CYRIB: variants seen among roughly 807,000 people sequenced by gnomAD.
CYRIB encodes CYFIP related Rac1 interactor B, also known as CYFIP-related Rac1 interactor B.
CYRIB carries 8 observed loss-of-function variants against 44.2 expected under a neutral mutation model. That is an observed-to-expected ratio of 0.18 (90% CI 0.11 to 0.33). CYRIB has a LOEUF of 0.33. Ranked by LOEUF, CYRIB falls within the 10% of genes least tolerant of loss-of-function variation. The pLI is 1.00. For synonymous variants in CYRIB, 131 were observed against 127.2 expected (o/e 1.03, Z -0.20); for missense variants, 185 against 382.8 (o/e 0.48, Z 4.31).
intron 2 of CYRIB, among the ~76,000 whole-genome samples, chr8:129,968,994 A>G (rs1297759192): frequency 7.0e-6 from 1 of 142,442 alleles, no homozygotes; most frequent in Non-Finnish European, 1.5e-5. Flanking sequence ...ACATGCCACC[A>G]TTTAGCTTAA....
upstream of CYRIB, among the ~76,000 whole-genome samples, chr8:129,940,488 TC>T (rs1417615020): frequency 6.6e-6 from 1 of 152,112 alleles, no homozygotes; most frequent in African/African-American, 2.4e-5. Context: ...AGACCCCTGT[TC>T]TGGGGTCGAC....
chr8:129,907,039 T>C lies in CYRIB; in HGVS notation c.-49-3689A>G, dbSNP rs527394329. Among the ~76,000 whole-genome samples, 9 of 152,338 alleles carry C rather than the reference T, an allele frequency of 5.9e-5. No individual in the cohort carries two copies. The East Asian group carries it at 1.7e-3, about 29-fold the overall frequency. On this transcript the variant is annotated intron_variant, in intron 1 of 11. Transcript: ENST00000519824. ...AGTTCAACCATTGTGGAAGACAGTGTGGCGATTCCTCAGGGATCTAGAACT... is the reference window on the plus strand; with the variant it reads ...AGTTCAACCATTGTGGAAGACAGTGCGGCGATTCCTCAGGGATCTAGAACT...
intron 1 of CYRIB, among the ~76,000 whole-genome samples, chr8:129,993,902 T>C (rs1434971529): frequency 6.6e-6 from 1 of 151,048 alleles, no homozygotes; most frequent in African/African-American, 2.4e-5. Flanking sequence ...ACAGCACCTC[T>C]GCCTACCTCC....
At chr8:129,842,288 G>A (rs1467344448) in intron 11 of CYRIB, 83 bp from the exon 14 acceptor site, 1 of 984,460 alleles carries the variant, frequency 1.0e-6, no homozygotes, top group Non-Finnish European at 1.5e-6. Flanking sequence ...ACAGGATGGA[G>A]AATTGGTCTC....
At chr8:129,957,217 A>G (rs1020155837) in intron 2 of CYRIB, among the ~76,000 whole-genome samples, 11 of 152,080 alleles carry the variant, frequency 7.2e-5, no homozygotes, top group African/African-American at 2.7e-4. Flanking sequence ...CTTCTACTTC[A>G]TACCTTTCCC....
At chr8:129,852,732 T>C (rs1267022817) in intron 7 of CYRIB, among the ~76,000 whole-genome samples, 2 of 152,200 alleles carry the variant, frequency 1.3e-5, no homozygotes, top group African/African-American at 4.8e-5. Flanking sequence ...AACAAGGTAT[T>C]CCAATCTGGC....
At position 129,919,136 on chromosome 8, in the gene CYRIB, T is replaced by A. The variant is rs1267743942; in HGVS notation, c.-49-15786A>T. 2.6e-5 allele frequency among the ~76,000 whole-genome samples: 4 copies of A among 152,178 alleles called. No homozygotes were observed. In the East Asian group the frequency reaches 7.7e-4, roughly 29 times the overall value. ...GCCTCGGCCTTCCAAAGTGCTGGGA[T>A]TGTGGGTGTGAGCCACCGTGCCCAC... On this transcript the variant is annotated intron_variant, in intron 1 of 11. Transcript: ENST00000519824.
intron 1 of CYRIB, among the ~76,000 whole-genome samples, chr8:129,976,692 G>A (rs768381066): frequency 4.6e-5 from 7 of 152,136 alleles, no homozygotes; most frequent in South Asian, 2.1e-4. Flanking sequence ...CTCTCTGAGC[G>A]TGAATTTGGA....
At chr8:129,940,042 C>T (rs2130745859), upstream of CYRIB, 1 of 152,386 alleles carries the variant, frequency 6.6e-6, no homozygotes, top group Middle Eastern at 3.4e-3. Flanking sequence ...CACCCCCTTG[C>T]ACCCCGGCCT....
intron 1 of CYRIB, among the ~76,000 whole-genome samples, chr8:129,981,948 TC>T (rs2096255150): frequency 6.6e-6 from 1 of 152,154 alleles, no homozygotes; most frequent in Admixed American, 6.5e-5. Flanking sequence ...TCATCTAGCT[TC>T]CCCGCTGGAC....
chr8:129,918,127 A>G (rs2136869411), intron 1 of CYRIB, among the ~76,000 whole-genome samples: 1 of 152,284 alleles, frequency 6.6e-6, no homozygotes, highest in South Asian at 2.1e-4. Context: ...GTTTTTAACT[A>G]TGCATGCCAC....
chr8:129,864,664 C>T lies in CYRIB; in HGVS notation c.196-2330G>A, dbSNP rs191378351. ...TATATAGGATTTGTGTGTACTGTGGCGGCTGAAAATGCCCAGTTCCTAAGG... is the reference window on the plus strand; with the variant it reads ...TATATAGGATTTGTGTGTACTGTGGTGGCTGAAAATGCCCAGTTCCTAAGG... On this transcript the variant is annotated intron_variant, in intron 4 of 11. Transcript: ENST00000519824. 3.1e-3 allele frequency: 741 copies of T among 240,668 alleles called. 3 individuals are homozygous for T. Among genetic ancestry groups the T allele is most frequent in the Non-Finnish European group, 5.3e-3 (643 of 120,664 alleles). The allele number at this position is 240,668 out of a possible 1,614,324, so 14.9% of individuals were successfully genotyped here. A position where few individuals can be genotyped will look rare whatever the true frequency, so the allele number is the denominator to read the frequency against.
chr8:129,860,377 G>A (rs990005885), intron 5 of CYRIB, among the ~76,000 whole-genome samples: 1 of 152,186 alleles, frequency 6.6e-6, no homozygotes, highest in African/African-American at 2.4e-5. Context: ...GCTGTATATA[G>A]TAGAGAAGAC....
At chr8:129,871,777 A>T (rs2057317165) in intron 3 of CYRIB, among the ~76,000 whole-genome samples, 1 of 152,164 alleles carries the variant, frequency 6.6e-6, no homozygotes, top group Non-Finnish European at 1.5e-5. Context: ...CAATCTGAGA[A>T]TTATAATTAA....
At chr8:129,864,890 G>A in intron 4 of CYRIB, 1 of 386,052 alleles carries the variant, frequency 2.6e-6, no homozygotes, top group Non-Finnish European at 5.0e-6. Context: ...AAGAAGTCCT[G>A]ACACCCAACA....
At chr8:129,922,871 A>C (rs1244353095) in intron 1 of CYRIB, among the ~76,000 whole-genome samples, 1 of 150,998 alleles carries the variant, frequency 6.6e-6, no homozygotes, top group African/African-American at 2.4e-5. Flanking sequence ...TCCAAAAAAA[A>C]AACAAAAAAA....
At chr8:129,965,248 CTGTG>C (rs3077879) in intron 2 of CYRIB, among the ~76,000 whole-genome samples, 4,546 of 148,472 alleles carry the variant, frequency 0.031, 226 homozygotes, top group African/African-American at 0.1. Context: ...CCCCCAGACA[CTGTG>C]TGTGTGTGTG....
At chr8:129,867,383 C>T (rs769990200) in intron 4 of CYRIB, among the ~76,000 whole-genome samples, 1 of 60,684 alleles carries the variant, frequency 1.6e-5, no homozygotes, top group African/African-American at 6.9e-5. Flanking sequence ...TCTTGGCCTC[C>T]CAAAGTGCTA....
At chr8:129,851,362 G>T in intron 8 of CYRIB, 1 of 163,300 alleles carries the variant, frequency 6.1e-6, no homozygotes, top group Non-Finnish European at 1.3e-5. Flanking sequence ...GAATGGTCAG[G>T]ACACGAATGC....
Sources: allele counts gnomAD v4.1 joint callset (sites outside exome capture counted in the v4.1 genomes callset), GRCh38; gene constraint gnomAD v4.1.1; transcripts MANE v1.5; gene names NCBI Gene and HGNC (gene_info 2026-07-23, HGNC 2026-07-21).